Variants in MREG observed in about 807,000 individuals in gnomAD.
The protein encoded by MREG is melanoregulin.
A neutral mutation model predicts 28.5 loss-of-function variants in MREG; 31 were observed. That is an observed-to-expected ratio of 1.09 (90% confidence interval 0.82 to 1.47). The LOEUF is 1.47. MREG is among the 40% of genes most tolerant of loss of function. MREG has a pLI of 0.00. For synonymous variants in MREG, 106 were observed against 95.2 expected (o/e 1.11, Z -0.66); for missense variants, 256 against 257.4 (o/e 0.99, Z 0.04).
At chr2:215,982,229 G>A (rs1488784616) in intron 2 of MREG, among the ~76,000 whole-genome samples, 5 of 151,670 alleles carry the variant, frequency 3.3e-5, no homozygotes, top group Non-Finnish European at 5.9e-5. Flanking sequence ...GCTGAGACAG[G>A]AGAATCACTT....
chr2:215,972,271 T>A (rs368270032), intron 2 of MREG, among the ~76,000 whole-genome samples: 4 of 152,274 alleles, frequency 2.6e-5, no homozygotes, highest in African/African-American at 9.6e-5. Context: ...AAGAAAGCAC[T>A]GAACTGGCCT....
At chr2:216,026,253 T>C (rs1218988237) in intron 1 of MREG, among the ~76,000 whole-genome samples, 1 of 152,238 alleles carries the variant, frequency 6.6e-6, no homozygotes, top group African/African-American at 2.4e-5. Context: ...TCTGGGATGA[T>C]GAAAACGTTT....
At chr2:215,980,593 G>A (rs905922081) in intron 2 of MREG, among the ~76,000 whole-genome samples, 2 of 152,154 alleles carry the variant, frequency 1.3e-5, no homozygotes, top group African/African-American at 2.4e-5. Flanking sequence ...TGATCAGTAC[G>A]AAGCTGTCAG....
chr2:215,967,010 C>T (rs1692959578), intron 2 of MREG, among the ~76,000 whole-genome samples: 1 of 152,166 alleles, frequency 6.6e-6, no homozygotes, highest in Non-Finnish European at 1.5e-5. Flanking sequence ...TTGGGGTTTA[C>T]TCTTACAAAC....
At chr2:216,029,198 G>A (rs955347391) in intron 1 of MREG, among the ~76,000 whole-genome samples, 6 of 152,230 alleles carry the variant, frequency 3.9e-5, no homozygotes, top group Non-Finnish European at 8.8e-5. Flanking sequence ...GATTGAGGCT[G>A]GCCAGGCGTG....
chr2:216,005,154 G>T (rs1694115140), intron 1 of MREG, among the ~76,000 whole-genome samples: 1 of 151,728 alleles, frequency 6.6e-6, no homozygotes, highest in African/African-American at 2.4e-5. Flanking sequence ...GTAGAATAGG[G>T]GAACAAAATG....
intron 1 of MREG, among the ~76,000 whole-genome samples, chr2:216,020,170 C>A (rs1694500909): frequency 6.6e-6 from 1 of 152,134 alleles, no homozygotes; most frequent in Non-Finnish European, 1.5e-5. Flanking sequence ...GCTATTATGA[C>A]CTTTATCTGC....
At chr2:215,976,146 T>G (rs1178341269) in intron 2 of MREG, among the ~76,000 whole-genome samples, 1 of 151,616 alleles carries the variant, frequency 6.6e-6, no homozygotes, top group African/African-American at 2.4e-5. Context: ...TGTCATTTCC[T>G]CACTGAGCCT....
chr2:216,001,261 G>T (rs1337138042), intron 1 of MREG, among the ~76,000 whole-genome samples: 1 of 152,190 alleles, frequency 6.6e-6, no homozygotes, highest in Non-Finnish European at 1.5e-5. Flanking sequence ...GTTTAGAAGT[G>T]CCCATGTCTC....
chr2:215,998,065 G>A (rs1243004976), intron 1 of MREG, among the ~76,000 whole-genome samples: 1 of 152,152 alleles, frequency 6.6e-6, no homozygotes, highest in African/African-American at 2.4e-5. Context: ...AACACTTTGG[G>A]AGGCTGAGGC....
At position 215,954,712 on chromosome 2, in the gene MREG, T is replaced by A. The variant is rs547949130; in HGVS notation, c.256-7599A>T. Among the ~76,000 whole-genome samples the A allele has an allele frequency of 8.5e-5, 13 of 152,252 alleles. No homozygotes were observed. In the East Asian group the frequency reaches 1.2e-3, roughly 14 times the overall value. Reference sequence around the variant, plus strand: ...CTTATGCATTCACTATTTTATTTTTTTTTTTTTAGAGAAGGAGTTTCACTC... The same window carrying A: ...CTTATGCATTCACTATTTTATTTTTATTTTTTTAGAGAAGGAGTTTCACTC... On this transcript the variant is annotated intron_variant, in intron 2 of 4. Coordinates refer to ENST00000263268, the MANE Select transcript of MREG (RefSeq NM_018000.3).
chr2:216,026,769 GC>G (rs1219294777), intron 1 of MREG, among the ~76,000 whole-genome samples: 1 of 152,100 alleles, frequency 6.6e-6, no homozygotes, highest in Non-Finnish European at 1.5e-5. Flanking sequence ...CCTGGGAACA[GC>G]CCACTTTATG....
intron 2 of MREG, among the ~76,000 whole-genome samples, chr2:215,969,400 T>C (rs1351785424): frequency 2.6e-5 from 4 of 152,208 alleles, no homozygotes; most frequent in African/African-American, 9.7e-5. Flanking sequence ...TCAAGAACTG[T>C]AAAGCATCTG....
At chr2:215,989,562 G>A (rs768040166) in intron 2 of MREG, among the ~76,000 whole-genome samples, 15 of 152,028 alleles carry the variant, frequency 9.9e-5, no homozygotes, top group Non-Finnish European at 1.6e-4. Flanking sequence ...ATTGACAGAC[G>A]TAGACCTCAG....
chr2:215,995,469 T>C (rs1403923985), intron 2 of MREG, among the ~76,000 whole-genome samples: 1 of 151,620 alleles, frequency 6.6e-6, no homozygotes, highest in African/African-American at 2.4e-5. Flanking sequence ...AGAAACCTCG[T>C]TAAGGAAAAG....
chr2:216,033,434 A>G (rs1209030155), upstream of MREG, among the ~76,000 whole-genome samples: 3 of 152,144 alleles, frequency 2.0e-5, no homozygotes, highest in Non-Finnish European at 4.4e-5. Context: ...GTTGGACTCC[A>G]GTGCACTCTA....
chr2:215,940,581 T>A (rs1692185866), downstream of MREG, among the ~76,000 whole-genome samples: 1 of 152,246 alleles, frequency 6.6e-6, no homozygotes, highest in Non-Finnish European at 1.5e-5. Context: ...GGACACTTGA[T>A]GATGGTCTTG....
intron 2 of MREG, among the ~76,000 whole-genome samples, chr2:215,976,103 G>A (rs1419165575): frequency 1.5e-4 from 15 of 99,506 alleles, no homozygotes; most frequent in Admixed American, 5.1e-4. Context: ...GCAGGACTCC[G>A]TCTCAAAAAA....
At chr2:216,031,574 GGAAAGAAA>G (rs1232407973) in intron 1 of MREG, among the ~76,000 whole-genome samples, 1 of 137,132 alleles carries the variant, frequency 7.3e-6, no homozygotes, top group Non-Finnish European at 1.6e-5. Context: ...AAGGAAGGAA[GGAAAGAAA>G]GAAGGAAAGA....
Sources: allele counts gnomAD v4.1 joint callset (sites outside exome capture counted in the v4.1 genomes callset), GRCh38; gene constraint gnomAD v4.1.1; transcripts MANE v1.5; gene names NCBI Gene and HGNC (gene_info 2026-07-23, HGNC 2026-07-21).